LRRC4C: variants seen among roughly 807,000 people sequenced by gnomAD.
LRRC4C encodes the protein leucine-rich repeat-containing protein 4C.
In LRRC4C, 5 loss-of-function variants were observed where a neutral mutation model predicts 33.6. The ratio of observed to expected loss-of-function variants is 0.15; its 90% CI spans 0.08 to 0.31. The LOEUF is 0.31. Among genes scored for constraint, LRRC4C ranks in the 10% least tolerant of loss-of-function variants. LRRC4C has a pLI of 1.00. For synonymous variants in LRRC4C, 329 were observed against 302.0 expected (o/e 1.09, Z -0.93); for missense variants, 560 against 796.7 (o/e 0.70, Z 3.58).
At chr11:40,891,791 C>T (rs1955717617) in intron 2 of LRRC4C, among the ~76,000 whole-genome samples, 1 of 152,130 alleles carries the variant, frequency 6.6e-6, no homozygotes, top group South Asian at 2.1e-4. Context: ...AACTCTCATA[C>T]ACTGTTGGTA....
chr11:40,359,381 C>A (rs1947844118), intron 3 of LRRC4C, among the ~76,000 whole-genome samples: 2 of 152,120 alleles, frequency 1.3e-5, no homozygotes, highest in African/African-American at 4.8e-5. Context: ...TGGAGCATCC[C>A]AGTAGTATGA....
At chr11:41,255,905 A>G (rs1185344724) in intron 1 of LRRC4C, among the ~76,000 whole-genome samples, 3 of 151,938 alleles carry the variant, frequency 2.0e-5, no homozygotes, top group Non-Finnish European at 1.5e-5. Context: ...GGTAGTCAAT[A>G]CAACTTCTTT....
At chr11:41,300,421 A>ATT (rs5791432) in intron 1 of LRRC4C, among the ~76,000 whole-genome samples, 1 of 151,818 alleles carries the variant, frequency 6.6e-6, no homozygotes, top group Non-Finnish European at 1.5e-5. Context: ...AACTAAGGGG[A>ATT]TTTTTTTCCT....
intron 1 of LRRC4C, among the ~76,000 whole-genome samples, chr11:40,936,065 T>TATAA (rs1555008817): frequency 0.044 from 3,335 of 75,470 alleles, 628 homozygotes; most frequent in Non-Finnish European, 0.069. Flanking sequence ...TATATATATA[T>TATAA]AACATAGTTT....
intron 2 of LRRC4C, among the ~76,000 whole-genome samples, chr11:40,715,496 A>ATTGAATGTG (rs1285355189): frequency 6.6e-6 from 1 of 152,226 alleles, no homozygotes; most frequent in Non-Finnish European, 1.5e-5. Context: ...ATCTAGAAAT[A>ATTGAATGTG]TTGAATGTGT....
At chr11:41,227,302 G>C (rs1466473585) in intron 1 of LRRC4C, among the ~76,000 whole-genome samples, 1 of 151,884 alleles carries the variant, frequency 6.6e-6, no homozygotes, top group African/African-American at 2.4e-5. Flanking sequence ...CAAGCAGACG[G>C]AACCTAAAGA....
intron 3 of LRRC4C, among the ~76,000 whole-genome samples, chr11:40,557,955 C>T (rs7945226): frequency 0.44 from 66,751 of 151,864 alleles, 15,130 homozygotes; most frequent in East Asian, 0.67. Context: ...AAGGTTAAAA[C>T]TTATCCAGAT....
At position 40,952,886 on chromosome 11, in the gene LRRC4C, ACACACACACACT is replaced by A. The variant is rs575779492; in HGVS notation, c.-495-19175_-495-19164del. Among the ~76,000 whole-genome samples, 472 of 103,584 alleles carry A rather than the reference ACACACACACACT, an allele frequency of 4.6e-3. 3 individuals carry two copies. Among genetic ancestry groups the A allele is most frequent in the African/African-American group, 0.011 (310 of 27,190 alleles). The allele number at this position is 103,584 out of a possible 152,430, so 68.0% of individuals were successfully genotyped here. ...CACACACACACACACACACACACAC[ACACACACACACT>A]CTCTCTCTCTCTCTCTCTCTCTCTC... On this transcript the variant is annotated intron_variant, in intron 1 of 6. Transcript: ENST00000528697.
chr11:40,686,839 A>T (rs1002929928), intron 2 of LRRC4C, among the ~76,000 whole-genome samples: 1 of 152,046 alleles, frequency 6.6e-6, no homozygotes, highest in Admixed American at 6.6e-5. Context: ...GTTTATCTCA[A>T]CACTCCAAGA....
chr11:40,922,315 T>C (rs1335316141), intron 2 of LRRC4C, among the ~76,000 whole-genome samples: 1 of 152,230 alleles, frequency 6.6e-6, no homozygotes, highest in African/African-American at 2.4e-5. Context: ...AGAAAATGTT[T>C]GACTTTTCTT....
chr11:40,894,931 T>C (rs1422616148), intron 2 of LRRC4C, among the ~76,000 whole-genome samples: 1 of 152,154 alleles, frequency 6.6e-6, no homozygotes, highest in East Asian at 1.9e-4. Flanking sequence ...TTTTGTAAGC[T>C]CCATGAATGT....
chr11:41,314,863 G>A (rs961699098), intron 1 of LRRC4C, among the ~76,000 whole-genome samples: 7 of 151,984 alleles, frequency 4.6e-5, no homozygotes, highest in Admixed American at 6.5e-5. Context: ...TGACTCACAA[G>A]GAATTTTCAT....
intron 2 of LRRC4C, among the ~76,000 whole-genome samples, chr11:40,764,159 G>C (rs1949347938): frequency 6.6e-6 from 1 of 152,128 alleles, no homozygotes; most frequent in Admixed American, 6.5e-5. Flanking sequence ...TGAGTCCTGA[G>C]GATATCATTC....
intron 2 of LRRC4C, among the ~76,000 whole-genome samples, chr11:40,736,259 C>T (rs914835133): frequency 2.0e-5 from 3 of 151,904 alleles, no homozygotes; most frequent in African/African-American, 7.3e-5. Flanking sequence ...TGAGAACATG[C>T]AGTGTTTGGT....
intron 5 of LRRC4C, among the ~76,000 whole-genome samples, chr11:40,154,196 G>A (rs1178779682): frequency 2.0e-5 from 3 of 150,218 alleles, no homozygotes; most frequent in African/African-American, 7.4e-5. Context: ...CATCACATAT[G>A]AAGGAAAGAT....
chr11:40,758,979 C>G (rs1949071629), intron 2 of LRRC4C, among the ~76,000 whole-genome samples: 2 of 151,218 alleles, frequency 1.3e-5, no homozygotes, highest in Admixed American at 1.3e-4. Flanking sequence ...TATTCAGTCT[C>G]TCCCTCTTAA....
At chr11:40,475,630 G>T (rs972906483) in intron 3 of LRRC4C, among the ~76,000 whole-genome samples, 28 of 152,204 alleles carry the variant, frequency 1.8e-4, no homozygotes, top group African/African-American at 6.5e-4. Context: ...TTAAGGACTA[G>T]TTTAACATCC....
chr11:40,203,882 C>G (rs887560267), intron 5 of LRRC4C, among the ~76,000 whole-genome samples: 4 of 152,178 alleles, frequency 2.6e-5, no homozygotes, highest in African/African-American at 9.7e-5. Context: ...AGCTAAAGTG[C>G]AGACACAGGA....
chr11:40,686,992 C>A (rs1944992272), intron 2 of LRRC4C, among the ~76,000 whole-genome samples: 1 of 152,076 alleles, frequency 6.6e-6, no homozygotes, highest in Non-Finnish European at 1.5e-5. Context: ...TGAGAACTTG[C>A]ACTTTCGTTA....
Sources: allele counts gnomAD v4.1 joint callset (sites outside exome capture counted in the v4.1 genomes callset), GRCh38; gene constraint gnomAD v4.1.1; transcripts MANE v1.5; gene names NCBI Gene and HGNC (gene_info 2026-07-23, HGNC 2026-07-21).